ANKRD30BL: variants seen among roughly 807,000 people sequenced by gnomAD.
ANKRD30BL encodes putative ankyrin repeat domain-containing protein 30B-like.
ANKRD30BL carries 20 observed loss-of-function variants against 18.4 expected under a neutral mutation model. The ratio of observed to expected loss-of-function variants is 1.09; its 90% confidence interval spans 0.77 to 1.58. ANKRD30BL has a LOEUF of 1.58. ANKRD30BL is among the 40% of genes most tolerant of loss of function. The probability of loss-of-function intolerance (pLI) is 0.00; values close to 1 mark genes in which losing one functional copy is unlikely to be tolerated. For missense variants in ANKRD30BL, 224 were observed against 268.6 expected, an observed-to-expected ratio of 0.83 and a Z score of 1.16; for synonymous variants, 72 against 100.9, an observed-to-expected ratio of 0.71 and a Z score of 1.72.
At position 132,214,826 on chromosome 2, in the gene ANKRD30BL, G is replaced by T. The variant is rs113377520; in HGVS notation, n.441+42703C>A. ...TTTGGAGTGCTTTGAGGCCTATGGT[G>T]AAAAGGAAATATCTTCACATAAAAA... On this transcript the variant is annotated intron_variant and non_coding_transcript_variant, in intron 1 of 4. Coordinates refer to the ANKRD30BL transcript ENST00000470729. Among the ~76,000 whole-genome samples the T allele has an allele frequency of 2.0e-5, 3 of 150,632 alleles. No individual in the cohort carries two copies. The East Asian group carries it at 5.9e-4, about 30-fold the overall frequency.
chr2:132,213,060 T>A (rs1558936123), intron 1 of ANKRD30BL, among the ~76,000 whole-genome samples: 1 of 151,952 alleles, frequency 6.6e-6, no homozygotes, highest in Non-Finnish European at 1.5e-5. Context: ...AACATAACTT[T>A]CAATTGAGCA....
Position 132,148,117 on chromosome 2 carries a change from G to A in ANKRD30BL, c.*14C>T, listed in dbSNP as rs748731759. 9 of 1,556,400 alleles carry A rather than the reference G, an allele frequency of 5.8e-6. No homozygotes were observed. In the South Asian group the frequency reaches 7.0e-5, roughly 12 times the overall value. ...TTTACAGGCTAAAATCTTTGAAGAG[G>A]AATTCACTGTATCCTATTCATCAGG... On this transcript the variant is annotated 3_prime_UTR_variant, in exon 6 of 6. Transcript: ENST00000409867.
intron 1 of ANKRD30BL, among the ~76,000 whole-genome samples, chr2:132,212,152 C>CT (rs1679373575): frequency 1.3e-5 from 2 of 149,018 alleles, no homozygotes; most frequent in African/African-American, 5.2e-5. Context: ...CAGTGTTGAA[C>CT]ATTTTTTTTT....
intron 1 of ANKRD30BL, among the ~76,000 whole-genome samples, chr2:132,175,130 G>A (rs112389610): frequency 6.6e-6 from 1 of 152,250 alleles, no homozygotes; most frequent in African/African-American, 2.4e-5. Context: ...AGAAAAGTGG[G>A]CCCAGGGGAC....
chr2:132,237,136 G>A (rs1392035952), intron 1 of ANKRD30BL, among the ~76,000 whole-genome samples: 1 of 150,908 alleles, frequency 6.6e-6, no homozygotes, highest in Non-Finnish European at 1.5e-5. Flanking sequence ...GAGGTGGGGG[G>A]AGGGGTGAGG....
chr2:132,215,868 C>A (rs1294950260), intron 1 of ANKRD30BL, among the ~76,000 whole-genome samples: 1 of 152,032 alleles, frequency 6.6e-6, no homozygotes, highest in African/African-American at 2.4e-5. Context: ...GAAATATCTT[C>A]ACATAATAAC....
At chr2:132,252,252 C>T (rs916562138) in intron 1 of ANKRD30BL, among the ~76,000 whole-genome samples, 2 of 152,232 alleles carry the variant, frequency 1.3e-5, no homozygotes, top group Non-Finnish European at 2.9e-5. Context: ...AGTCTAGGGA[C>T]ATGCTAGCTT....
At chr2:132,230,903 G>C (rs922785146) in intron 1 of ANKRD30BL, among the ~76,000 whole-genome samples, 28 of 151,894 alleles carry the variant, frequency 1.8e-4, no homozygotes, top group African/African-American at 5.8e-4. Context: ...TCTTTTGATA[G>C]AGCAGTTTTG....
intron 1 of ANKRD30BL, among the ~76,000 whole-genome samples, chr2:132,187,569 C>A (rs974213822): frequency 6.6e-6 from 1 of 151,956 alleles, no homozygotes; most frequent in African/African-American, 2.4e-5. Flanking sequence ...CCACCTCGGC[C>A]TCCCAAAATG....
At chr2:132,171,176 A>G (rs2104941187) in intron 1 of ANKRD30BL, among the ~76,000 whole-genome samples, 1 of 151,376 alleles carries the variant, frequency 6.6e-6, no homozygotes, top group East Asian at 1.9e-4. Flanking sequence ...AAAGAATAAC[A>G]CTTGGAGATT....
chr2:132,210,801 C>A (rs976212198), intron 1 of ANKRD30BL, among the ~76,000 whole-genome samples: 3 of 138,644 alleles, frequency 2.2e-5, no homozygotes, highest in Admixed American at 1.5e-4. Flanking sequence ...TTGGATTCAG[C>A]AGTTTTGAAA....
At chr2:132,238,436 C>T (rs192408916) in intron 1 of ANKRD30BL, among the ~76,000 whole-genome samples, 20 of 150,864 alleles carry the variant, frequency 1.3e-4, no homozygotes, top group Admixed American at 7.3e-4. Flanking sequence ...TCTCTGGGAA[C>T]GGGTATATAT....
intron 1 of ANKRD30BL, among the ~76,000 whole-genome samples, chr2:132,231,905 G>A (rs557820782): frequency 6.6e-6 from 1 of 152,340 alleles, no homozygotes; most frequent in African/African-American, 2.4e-5. Context: ...CAAACAAAAA[G>A]CAGTAACCTC....
chr2:132,245,306 C>G (rs951194325), intron 1 of ANKRD30BL, among the ~76,000 whole-genome samples: 1 of 152,246 alleles, frequency 6.6e-6, no homozygotes, highest in African/African-American at 2.4e-5. Flanking sequence ...TTCTCAGAAA[C>G]TTCTTTGTGA....
chr2:132,166,410 C>G (rs1029935966), upstream of ANKRD30BL, among the ~76,000 whole-genome samples: 18 of 150,426 alleles, frequency 1.2e-4, no homozygotes, highest in African/African-American at 4.4e-4. Flanking sequence ...ACCACTAAAG[C>G]CATTTGGGCC....
At chr2:132,168,372 C>T (rs201126536) in intron 1 of ANKRD30BL, among the ~76,000 whole-genome samples, 1 of 151,936 alleles carries the variant, frequency 6.6e-6, no homozygotes, top group Non-Finnish European at 1.5e-5. Context: ...TTACAGATTA[C>T]TGGATAAAGA....
chr2:132,255,150 T>C (rs997971401), intron 1 of ANKRD30BL, among the ~76,000 whole-genome samples: 58 of 152,230 alleles, frequency 3.8e-4, no homozygotes, highest in Non-Finnish European at 7.2e-4. Flanking sequence ...TACAACGGTA[T>C]CTGATCGTCT....
At position 132,161,577 on chromosome 2, in the gene ANKRD30BL, G is replaced by T; in HGVS notation, c.129C>A (p.His43Gln). The T allele has an allele frequency of 6.9e-7, 1 of 1,456,588 alleles. No individual in the cohort carries two copies. Among genetic ancestry groups the T allele is most frequent in the Non-Finnish European group, 9.4e-7 (1 of 1,063,254 alleles). 90.2% of individuals were successfully genotyped at this position (1,456,588 alleles called of 1,614,324 possible). ...AGGCTTGGCCCCGGGAGGCAGCTTTGTGGATCTTCCTGAGATCCCCATGGT... is the reference window on the plus strand; with the variant it reads ...AGGCTTGGCCCCGGGAGGCAGCTTTTTGGATCTTCCTGAGATCCCCATGGT... ...VIHHGDLRKI[H>Q]KAASRGQAWK... Residue 43 changes from histidine to glutamine, a missense_variant, in exon 1 of 6, where the codon CAC (histidine) becomes CAA (glutamine). This residue lies in a region of ANKRD30BL where 131 missense variants were observed against 128.8 expected (regional missense o/e 1.02). Coordinates refer to ENST00000409867, the MANE Select transcript of ANKRD30BL (RefSeq NM_001358416.1).
chr2:132,235,590 T>G (rs1263357443), intron 1 of ANKRD30BL, among the ~76,000 whole-genome samples: 4 of 152,096 alleles, frequency 2.6e-5, no homozygotes, highest in African/African-American at 4.8e-5. Flanking sequence ...CATTCACAAT[T>G]GCTTCAAAGA....
Sources: allele counts gnomAD v4.1 joint callset (sites outside exome capture counted in the v4.1 genomes callset), GRCh38; gene constraint gnomAD v4.1.1; regional missense constraint gnomAD v4.1.1; transcripts MANE v1.5; gene names NCBI Gene and HGNC (gene_info 2026-07-23, HGNC 2026-07-21).